The following EPB41L2 variants were observed in gnomAD, a reference collection of about 807,000 sequenced individuals.
The protein encoded by EPB41L2 is band 4.1-like protein 2.
In EPB41L2, 43 loss-of-function variants were observed where a neutral mutation model predicts 113.0. The ratio of observed to expected loss-of-function variants is 0.38; its 90% CI spans 0.30 to 0.49. The LOEUF (loss-of-function observed/expected upper bound fraction) is 0.49, where lower values mean the gene tolerates loss of function less well. Ranked by LOEUF, EPB41L2 falls within the 20% of genes least tolerant of loss-of-function variation. The pLI, the probability that EPB41L2 is intolerant of heterozygous loss-of-function variation, is 0.95. For missense variants in EPB41L2, 1,147 were observed against 1,223.4 expected, an observed-to-expected ratio of 0.94 and a Z score of 0.93; for synonymous variants, 442 against 436.7, an observed-to-expected ratio of 1.01 and a Z score of -0.15.
At chr6:130,935,816 AG>A (rs1054505025) in intron 3 of EPB41L2, among the ~76,000 whole-genome samples, 1 of 152,188 alleles carries the variant, frequency 6.6e-6, no homozygotes, top group African/African-American at 2.4e-5. Flanking sequence ...GCCCACTTGG[AG>A]GACTTCTATC....
At position 130,956,417 on chromosome 6, in the gene EPB41L2, G is replaced by A. The variant is rs755597655; in HGVS notation, c.69C>T (p.Thr23=). ...KDSSQLGTDA[T]KEKPKEVAEN... ...CTGCTACTTCTTTAGGTTTTTCCTT[G>A]GTTGCATCTGTTCCTAACTGGCTAG... is the stretch of plus-strand genomic sequence containing the variant. The change falls in exon 2 of 20, where the codon ACC becomes ACT. Residue 23 remains threonine, a synonymous_variant. Transcript: ENST00000337057. 15 of 1,613,972 alleles carry A rather than the reference G, an allele frequency of 9.3e-6. No homozygotes were observed. Among genetic ancestry groups the A allele is most frequent in the Middle Eastern group, 1.6e-4 (1 of 6,084 alleles).
At chr6:130,991,113 G>C (rs990096368) in intron 1 of EPB41L2, among the ~76,000 whole-genome samples, 1 of 152,144 alleles carries the variant, frequency 6.6e-6, no homozygotes, top group South Asian at 2.1e-4. Context: ...ACAGGCATGA[G>C]CCACTTACCA....
At chr6:131,061,319 A>G (rs948549058) in intron 1 of EPB41L2, among the ~76,000 whole-genome samples, 6 of 152,182 alleles carry the variant, frequency 3.9e-5, no homozygotes, top group African/African-American at 7.2e-5. Context: ...CTAAATCCAC[A>G]CCATTGTTCC....
At chr6:130,943,777 G>A (rs1177285049) in intron 3 of EPB41L2, among the ~76,000 whole-genome samples, 2 of 152,172 alleles carry the variant, frequency 1.3e-5, no homozygotes, top group African/African-American at 2.4e-5. Flanking sequence ...CTCAAGAGAA[G>A]AGGAGGCATT....
chr6:130,984,327 T>A (rs1376013277), intron 1 of EPB41L2, among the ~76,000 whole-genome samples: 1 of 152,224 alleles, frequency 6.6e-6, no homozygotes, highest in Non-Finnish European at 1.5e-5. Flanking sequence ...AGTAAATACA[T>A]AAACCAGTAA....
chr6:130,891,074 GACCAATCTTTTTGGGAGTTCAACTGA>G (rs1398362186), intron 10 of EPB41L2, among the ~76,000 whole-genome samples: 1 of 152,098 alleles, frequency 6.6e-6, no homozygotes, highest in Non-Finnish European at 1.5e-5. Flanking sequence ...TTAGCAAATG[GACCAATCTTTTTGGGAGTTCAACTGA>G]AATTATTTTG....
chr6:130,991,910 C>A (rs1584336428), intron 1 of EPB41L2, among the ~76,000 whole-genome samples: 1 of 151,950 alleles, frequency 6.6e-6, no homozygotes, highest in Admixed American at 6.6e-5. Context: ...TAATTTGTTT[C>A]TCTTGGATCT....
intron 19 of EPB41L2, among the ~76,000 whole-genome samples, chr6:130,844,144 T>G (rs1394797833): frequency 6.6e-6 from 1 of 152,156 alleles, no homozygotes; most frequent in East Asian, 1.9e-4. Context: ...AATGCAAAAA[T>G]GTGGTTTTCC....
In EPB41L2 at chr6:130,956,058, A is replaced by C; in HGVS notation, c.428T>G (p.Val143Gly). Residue 143 changes from valine to glycine, a missense_variant, in exon 2 of 20, where the codon GTC (valine) becomes GGC (glycine). Physicochemically the swap from Val to Gly is moderately radical, Grantham distance 109. Transcript: ENST00000337057. Reference protein sequence around the residue: ...AQKKQEIKVEVKEEKPSVSKE... With the variant: ...AQKKQEIKVEGKEEKPSVSKE... Reference sequence around the variant, plus strand: ...GCTCACTGAGGGTTTTTCTTCCTTGACTTCAACTTTAATCTCTTGTTTCTT... The same window carrying C: ...GCTCACTGAGGGTTTTTCTTCCTTGCCTTCAACTTTAATCTCTTGTTTCTT... 6.2e-7 allele frequency: 1 copy of C among 1,613,676 alleles called. No homozygotes were observed. Among genetic ancestry groups the C allele is most frequent in the South Asian group, 1.1e-5 (1 of 91,010 alleles).
chr6:130,926,723 A>C lies in EPB41L2; in HGVS notation c.706-14T>G. ...CTTGGCATGTTTCTGGAGAAAAAATAATAACTTTACTTTTCAAGTACTAAA... is the reference window on the plus strand; with the variant it reads ...CTTGGCATGTTTCTGGAGAAAAAATCATAACTTTACTTTTCAAGTACTAAA... On this transcript the variant is annotated splice_polypyrimidine_tract_variant and intron_variant, in intron 3 of 19. Transcript: ENST00000337057. The C allele has an allele frequency of 6.4e-7, 1 of 1,555,910 alleles. No individual in the cohort carries two copies. The highest frequency in any genetic ancestry group is 8.7e-7 in the Non-Finnish European group (1 of 1,145,146).
chr6:130,926,657 A>C lies in EPB41L2; in HGVS notation c.758T>G (p.Leu253Arg). The change falls in exon 4 of 20, where the codon CTC becomes CGC. Residue 253 changes from leucine (L) to arginine (R), a missense_variant. Leu to Arg is a moderately radical substitution (Grantham distance 102). Coordinates refer to ENST00000337057, the MANE Select transcript of EPB41L2 (RefSeq NM_001431.4). The part of the protein sequence containing the change: ...LFDKVCEHLN[L>R]LEKDYFGLLF... ...AAGTCCAAAGTAGTCTTTCTCCAAG[A>C]GATTGAGGTGTTCACACACTTTGTC... The C allele has an allele frequency of 6.2e-7, 1 of 1,610,340 alleles. No individual in the cohort carries two copies. Among genetic ancestry groups the C allele is most frequent in the Non-Finnish European group, 8.5e-7 (1 of 1,179,202 alleles).
At chr6:131,023,989 CT>C (rs1790240478) in intron 1 of EPB41L2, among the ~76,000 whole-genome samples, 1 of 151,598 alleles carries the variant, frequency 6.6e-6, no homozygotes, top group Non-Finnish European at 1.5e-5. Context: ...AGGCTGAACA[CT>C]GGAAAAAAAA....
chr6:130,996,488 G>GA (rs1166606666), intron 1 of EPB41L2, among the ~76,000 whole-genome samples: 1 of 152,138 alleles, frequency 6.6e-6, no homozygotes, highest in Non-Finnish European at 1.5e-5. Context: ...TATGATCCTG[G>GA]AAAACATCCA....
chr6:130,891,572 C>G (rs886565165), intron 10 of EPB41L2, among the ~76,000 whole-genome samples: 1 of 152,250 alleles, frequency 6.6e-6, no homozygotes, highest in Admixed American at 6.5e-5. Context: ...CCTCAGCCTC[C>G]TGAGTAGCTG....
intron 1 of EPB41L2, among the ~76,000 whole-genome samples, chr6:130,958,990 T>C (rs1259089785): frequency 6.6e-6 from 1 of 152,206 alleles, no homozygotes; most frequent in African/African-American, 2.4e-5. Context: ...ATCTGATCTC[T>C]GGTTGATCCA....
intron 1 of EPB41L2, among the ~76,000 whole-genome samples, chr6:130,991,644 T>C (rs1484341017): frequency 6.6e-6 from 1 of 152,200 alleles, no homozygotes; most frequent in African/African-American, 2.4e-5. Context: ...TTCAGCTCTG[T>C]TGGACTTGAT....
chr6:130,987,950 C>CA lies in EPB41L2; in HGVS notation c.-14-31452dup, dbSNP rs200874342. ...CAACATGGTGAGATCCCTATCTCTA[C>CA]AAAAAAAATTAAAAATTAGCTGAGT... On this transcript the variant is annotated intron_variant, in intron 1 of 19. Coordinates refer to ENST00000337057, the MANE Select transcript of EPB41L2 (RefSeq NM_001431.4). Among the ~76,000 whole-genome samples the CA allele has an allele frequency of 6.5e-3, 984 of 151,266 alleles. 17 individuals carry two copies. Among genetic ancestry groups the CA allele is most frequent in the African/African-American group, 0.023 (940 of 41,210 alleles).
At chr6:131,061,785 T>G (rs1370979008) in intron 1 of EPB41L2, among the ~76,000 whole-genome samples, 1 of 151,496 alleles carries the variant, frequency 6.6e-6, no homozygotes, top group African/African-American at 2.4e-5. Context: ...AGAGACCAGA[T>G]AAATAATGTA....
At chr6:131,044,333 CT>C in intron 1 of EPB41L2, among the ~76,000 whole-genome samples, 1 of 151,558 alleles carries the variant, frequency 6.6e-6, no homozygotes, top group Admixed American at 6.6e-5. Flanking sequence ...GCCAATAATG[CT>C]TTTTTGTTTA....
Sources: gnomAD v4.1 joint callset for allele counts (sites outside exome capture counted in the v4.1 genomes callset) on GRCh38, gnomAD v4.1.1 for gene constraint, MANE v1.5 for transcripts, NCBI Gene and HGNC (gene_info 2026-07-23, HGNC 2026-07-21) for gene names.